EXOSC8: variants seen among roughly 807,000 people sequenced by gnomAD.
EXOSC8 encodes exosome component 8, also known as exosome complex component RRP43.
Under a neutral mutation model 39.9 loss-of-function variants are expected in EXOSC8, and 37 were observed. The ratio of observed to expected loss-of-function variants is 0.93; its 90% CI spans 0.71 to 1.22. The LOEUF (loss-of-function observed/expected upper bound fraction) is 1.22, where lower values mean the gene tolerates loss of function less well. EXOSC8 is among the 50% of genes most tolerant of loss of function. EXOSC8 has a pLI of 0.00. For synonymous variants in EXOSC8, 93 were observed against 109.5 expected, an observed-to-expected ratio of 0.85 and a Z score of 0.94; for missense variants, 313 against 326.6, an observed-to-expected ratio of 0.96 and a Z score of 0.32.
At position 37,005,833 on chromosome 13, in the gene EXOSC8, C is replaced by T; in HGVS notation, c.239-87C>T. ...AAGCTGAGATCGCACCAATGCACTC[C>T]AGCCTGGCAACAGAGCAAGACTCCA... is the stretch of plus-strand genomic sequence containing the variant. On this transcript the variant is annotated intron_variant, in intron 5 of 10. Transcript: ENST00000389704. 4.4e-6 allele frequency: 3 copies of T among 684,464 alleles called. No individual in the cohort carries two copies. In the East Asian group the frequency reaches 8.4e-5, roughly 19 times the overall value. 42.4% of individuals were successfully genotyped at this position (684,464 alleles called of 1,614,324 possible).
intron 7 of EXOSC8, among the ~76,000 whole-genome samples, chr13:37,006,396 T>A (rs939175046): frequency 1.3e-5 from 2 of 152,164 alleles, no homozygotes; most frequent in African/African-American, 4.8e-5. Context: ...CCTTTTAAAC[T>A]GAAGTAATTT....
At chr13:37,006,938 A>C (rs1429649454) in intron 7 of EXOSC8, 37 bp from the exon 8 acceptor site, 2 of 1,282,324 alleles carry the variant, frequency 1.6e-6, no homozygotes, top group African/African-American at 2.9e-5. Flanking sequence ...ACCCATTAGA[A>C]GACTTTAATT....
At position 37,008,799 on chromosome 13, in the gene EXOSC8, G is replaced by A; in HGVS notation, c.679G>A (p.Asp227Asn). ...AACAGGAACCTTAACAATAGTAATGGATGAGGAAGGCAAACTCTGTTGTCT... is the reference window on the plus strand; with the variant it reads ...AACAGGAACCTTAACAATAGTAATGAATGAGGAAGGCAAACTCTGTTGTCT... ...LATGTLTIVMDEEGKLCCLHK... is the reference protein window; with the variant it reads ...LATGTLTIVMNEEGKLCCLHK... Residue 227 changes from aspartate (D) to asparagine (N), a missense_variant, in exon 10 of 11, where the codon GAT becomes AAT. By Grantham distance (23) the Asp-to-Asn change is conservative. Transcript: ENST00000389704. 1 of 1,613,056 alleles carries A rather than the reference G, an allele frequency of 6.2e-7. No individual in the cohort carries two copies. The highest frequency in any genetic ancestry group is 8.5e-7 in the Non-Finnish European group (1 of 1,179,124).
chr13:37,006,282 C>T (rs2059138660), intron 7 of EXOSC8, 122 bp downstream of exon 7: 1 of 638,140 alleles, frequency 1.6e-6, no homozygotes, highest in Non-Finnish European at 2.8e-6. Context: ...GGATGTCTTA[C>T]AGATTTTAGA....
At chr13:37,002,217 G>A in intron 1 of EXOSC8, 56 bp from the exon 2 acceptor site, 3 of 1,351,472 alleles carry the variant, frequency 2.2e-6, no homozygotes, top group Non-Finnish European at 3.2e-6. Context: ...CCAATTTCTG[G>A]ATTTATGTTA....
chr13:37,009,295 A>G lies in EXOSC8; in HGVS notation c.827A>G (p.Lys276Arg), dbSNP rs752942652. Residue 276 changes from lysine (K) to arginine (R), a missense_variant, in exon 11 of 11, where the codon AAA (lysine) becomes AGA (arginine). Physicochemically the swap from Lys to Arg is conservative, Grantham distance 26 (BLOSUM62 2). Coordinates refer to ENST00000389704, the MANE Select transcript of EXOSC8 (RefSeq NM_181503.3). Reference sequence around the variant, plus strand: ...GAAGTAATTAAGAGTATGAAACCCAAATAAACAGCCACCACATTTTCAAAA... The same window carrying G: ...GAAGTAATTAAGAGTATGAAACCCAGATAAACAGCCACCACATTTTCAAAA... Reference protein sequence around the residue: ...MDEVIKSMKPK With the variant: ...MDEVIKSMKPR 3.3e-6 allele frequency: 5 copies of G among 1,534,372 alleles called. No homozygotes were observed. In the East Asian group the frequency reaches 9.0e-5, roughly 28 times the overall value.
At position 37,006,310 on chromosome 13, in the gene EXOSC8, C is replaced by T; in HGVS notation, c.390+150C>T. 5.0e-6 allele frequency: 3 copies of T among 602,258 alleles called. No individual in the cohort carries two copies. The South Asian group carries it at 6.9e-5, about 14-fold the overall frequency. 37.3% of individuals were successfully genotyped at this position (602,258 alleles called of 1,614,324 possible). A position where few individuals can be genotyped will look rare whatever the true frequency, so the allele number is the denominator to read the frequency against. ...ATTTTAGAGATTCAGTAATTTCTTA[C>T]TCTATAATTCTCTAAATGAACCATA... On this transcript the variant is annotated intron_variant, in intron 7 of 10. Transcript: ENST00000389704.
chr13:37,004,712 G>T (rs900507750), intron 5 of EXOSC8, 151 bp downstream of exon 5: 2 of 580,328 alleles, frequency 3.4e-6, no homozygotes, highest in African/African-American at 1.9e-5. Context: ...AGTTTTCCGT[G>T]TGTTAGTAAA....
chr13:37,006,441 T>G (rs945276603), intron 7 of EXOSC8, among the ~76,000 whole-genome samples: 6 of 152,204 alleles, frequency 3.9e-5, no homozygotes, highest in African/African-American at 1.2e-4. Context: ...CAATCATTTT[T>G]TATTCCTTAT....
chr13:37,000,835 G>A lies in EXOSC8; in HGVS notation c.17+13G>A, dbSNP rs759737867. On this transcript the variant is annotated intron_variant, in intron 1 of 10. Transcript: ENST00000389704. ...CGGCTGGGTTCAAGTGAGTGTTGGC[G>A]GGTGGCGGGTAGAGTTCTGTACCCT... is the stretch of plus-strand genomic sequence containing the variant. 74 of 1,565,620 alleles carry A rather than the reference G, an allele frequency of 4.7e-5. No homozygotes were observed. The highest frequency in any genetic ancestry group is 5.7e-5 in the Non-Finnish European group (66 of 1,155,622).
In EXOSC8 at chr13:37,007,019, T is replaced by C. The variant is rs1273555810; in HGVS notation, c.435T>C (p.Asp145=). Reference sequence around the variant, plus strand: ...GTGATCTCATTTGCCTCGACTACGATGGAAACATTTTGGATGCCTGCACAT... The same window carrying C: ...GTGATCTCATTTGCCTCGACTACGACGGAAACATTTTGGATGCCTGCACAT... ...LYCDLICLDY[D]GNILDACTFA... is the part of the protein sequence containing the mutation. Residue 145 remains aspartate (D), a synonymous_variant, in exon 8 of 11, where the codon GAT becomes GAC. Transcript: ENST00000389704. The C allele has an allele frequency of 1.1e-5, 17 of 1,613,692 alleles. No individual in the cohort carries two copies. Among genetic ancestry groups the C allele is most frequent in the Non-Finnish European group, 1.4e-5 (16 of 1,179,658 alleles).
Position 37,009,591 on chromosome 13 carries a change from A to C in EXOSC8, c.*292A>C. The C allele has an allele frequency of 6.4e-7, 1 of 1,565,340 alleles. No homozygotes were observed. The highest frequency in any genetic ancestry group is 8.8e-7 in the Non-Finnish European group (1 of 1,137,366). On this transcript the variant is annotated 3_prime_UTR_variant, in exon 11 of 11. Transcript: ENST00000389704. ...GCAATGTAAAATACTGACACATTAA[A>C]AAAAACAAAAAGTAGAAACTCAATT...
Position 37,008,818 on chromosome 13 carries a change from G to A in EXOSC8, c.698G>A (p.Cys233Tyr), listed in dbSNP as rs2059176643. ...GTAATGGATGAGGAAGGCAAACTCT[G>A]TTGTCTTCACAAACCAGGCATGTTC... Reference protein sequence around the residue: ...TIVMDEEGKLCCLHKPGGSGL... With the variant: ...TIVMDEEGKLYCLHKPGGSGL... The change falls in exon 10 of 11, where the codon TGT becomes TAT. Residue 233 changes from cysteine (C) to tyrosine (Y), a missense_variant. Physicochemically the swap from Cys to Tyr is radical, Grantham distance 194. Transcript: ENST00000389704. 3 of 1,606,212 alleles carry A rather than the reference G, an allele frequency of 1.9e-6. No individual in the cohort carries two copies. Among genetic ancestry groups the A allele is most frequent in the Admixed American group, 1.7e-5 (1 of 59,924 alleles).
chr13:37,000,922 T>C, intron 1 of EXOSC8, 100 bp downstream of exon 1: 1 of 1,358,662 alleles, frequency 7.4e-7, no homozygotes, highest in Non-Finnish European at 9.8e-7. Flanking sequence ...CCGACCCCGT[T>C]GGGGTGCCAT....
At chr13:37,004,393 T>C (rs1469704636) in intron 4 of EXOSC8, 123 bp from the exon 5 acceptor site, 2 of 670,514 alleles carry the variant, frequency 3.0e-6, no homozygotes, top group Non-Finnish European at 5.3e-6. Flanking sequence ...CCAATGTCCG[T>C]AGAGGCCCTG....
intron 4 of EXOSC8, chr13:37,003,503 C>G (rs1428564059): frequency 1.3e-5 from 2 of 154,906 alleles, no homozygotes; most frequent in Non-Finnish European, 2.9e-5. Context: ...AGATGACTTT[C>G]AGTAACCTGT....
At chr13:37,005,098 G>A (rs1452705575) in intron 5 of EXOSC8, among the ~76,000 whole-genome samples, 1 of 151,926 alleles carries the variant, frequency 6.6e-6, no homozygotes, top group Non-Finnish European at 1.5e-5. Flanking sequence ...GAGTGACAGA[G>A]TGAAACCCTG....
chr13:37,003,896 G>A (rs2059121899), intron 4 of EXOSC8: 1 of 150,772 alleles, frequency 6.6e-6, no homozygotes, highest in Admixed American at 6.6e-5. Context: ...TTTTGAGACG[G>A]AGTCTTGCTC....
intron 6 of EXOSC8, 30 bp downstream of exon 6, chr13:37,006,055 A>G: frequency 6.3e-7 from 1 of 1,582,576 alleles, no homozygotes; most frequent in East Asian, 2.2e-5. Flanking sequence ...ATTTTATTAC[A>G]ATTCATTTTC....
Sources: gnomAD v4.1 joint callset for allele counts (sites outside exome capture counted in the v4.1 genomes callset) on GRCh38, gnomAD v4.1.1 for gene constraint, MANE v1.5 for transcripts, NCBI Gene and HGNC (gene_info 2026-07-23, HGNC 2026-07-21) for gene names.